The following GPR158 variants were observed in gnomAD, a reference collection of about 807,000 sequenced individuals.
The protein encoded by GPR158 is G protein-coupled receptor 158.
GPR158 carries 30 observed loss-of-function variants against 78.2 expected under a neutral mutation model. The observed-to-expected ratio is 0.38, with a 90% confidence interval of 0.29 to 0.52. GPR158 has a LOEUF of 0.52. GPR158 is among the 20% of genes least tolerant of loss of function. GPR158 has a pLI of 0.83. For missense variants in GPR158, 1,463 were observed against 1,523.5 expected, an observed-to-expected ratio of 0.96 and a Z score of 0.66; for synonymous variants, 581 against 591.1, an observed-to-expected ratio of 0.98 and a Z score of 0.25.
chr10:25,414,710 TTGA>T (rs1834635594), intron 4 of GPR158, among the ~76,000 whole-genome samples: 1 of 152,158 alleles, frequency 6.6e-6, no homozygotes, highest in Non-Finnish European at 1.5e-5. Flanking sequence ...AAGAAGAAAC[TTGA>T]TGATCTCTTT....
chr10:25,585,882 G>A lies in GPR158; in HGVS notation c.1754-3125G>A, dbSNP rs79127058. Among the ~76,000 whole-genome samples the A allele has an allele frequency of 5.4e-3, 824 of 152,258 alleles. 10 individuals are homozygous for A. Among genetic ancestry groups the A allele is most frequent in the African/African-American group, 0.019 (778 of 41,544 alleles). On this transcript the variant is annotated intron_variant, in intron 7 of 10. Coordinates refer to ENST00000376351, the MANE Select transcript of GPR158 (RefSeq NM_020752.3). ...TAATCTCTGCTGCTCAGATGGCTGA[G>A]GCACAGGAATCAGTTGAACCCTGGA...
chr10:25,541,672 T>C (rs903091798), intron 5 of GPR158, among the ~76,000 whole-genome samples: 1 of 151,502 alleles, frequency 6.6e-6, no homozygotes, highest in Non-Finnish European at 1.5e-5. Flanking sequence ...CCTGAATAAA[T>C]GTGCTTCAAT....
chr10:25,388,708 C>A (rs903826984), intron 2 of GPR158, among the ~76,000 whole-genome samples: 2 of 152,238 alleles, frequency 1.3e-5, no homozygotes, highest in Admixed American at 6.5e-5. Context: ...GAGCTGGGAG[C>A]AGGCAAGATT....
At position 25,598,879 on chromosome 10, in the gene GPR158, G is replaced by A. The variant is rs1480573568; in HGVS notation, c.3253G>A (p.Glu1085Lys). The A allele has an allele frequency of 6.2e-7, 1 of 1,614,104 alleles. No individual in the cohort carries two copies. The highest frequency in any genetic ancestry group is 1.1e-5 in the South Asian group (1 of 91,074). ...CCAAGGCCAGTCCATTTTGGAAGAT[G>A]AGAAGCTTTTGATTTCCAAGACTCC... Reference protein sequence around the residue: ...ESQGQSILEDEKLLISKTPVL... With the variant: ...ESQGQSILEDKKLLISKTPVL... The change falls in exon 11 of 11, where the codon GAG (glutamate) becomes AAG (lysine). Residue 1085 changes from glutamate (E) to lysine (K), a missense_variant. Physicochemically the swap from Glu to Lys is moderately conservative, Grantham distance 56 (BLOSUM62 1). Coordinates refer to ENST00000376351, the MANE Select transcript of GPR158 (RefSeq NM_020752.3).
intron 2 of GPR158, among the ~76,000 whole-genome samples, chr10:25,239,966 G>T (rs946182565): frequency 6.6e-6 from 1 of 152,176 alleles, no homozygotes; most frequent in Non-Finnish European, 1.5e-5. Context: ...AAGTAGTATA[G>T]TATGCAGTTC....
chr10:25,203,367 A>T (rs925349059), intron 1 of GPR158, among the ~76,000 whole-genome samples: 1 of 152,196 alleles, frequency 6.6e-6, no homozygotes, highest in East Asian at 1.9e-4. Context: ...GGTTTTCTTC[A>T]AGGGTTTTTA....
intron 2 of GPR158, among the ~76,000 whole-genome samples, chr10:25,346,315 A>C (rs1588813244): frequency 1.3e-5 from 2 of 151,886 alleles, no homozygotes; most frequent in South Asian, 4.1e-4. Flanking sequence ...GCATTAAGTC[A>C]TCTGACAATA....
chr10:25,410,436 T>G (rs1564447479), intron 3 of GPR158, among the ~76,000 whole-genome samples: 1 of 152,048 alleles, frequency 6.6e-6, no homozygotes, highest in Non-Finnish European at 1.5e-5. Flanking sequence ...ACCAACATGG[T>G]GAAACCCTGT....
intron 1 of GPR158, among the ~76,000 whole-genome samples, chr10:25,190,401 C>T (rs150461913): frequency 6.6e-6 from 1 of 152,022 alleles, no homozygotes; most frequent in Non-Finnish European, 1.5e-5. Flanking sequence ...GGCGTAAATA[C>T]AACACACTGC....
chr10:25,190,568 C>T (rs890617117), intron 1 of GPR158, among the ~76,000 whole-genome samples: 6 of 152,100 alleles, frequency 3.9e-5, no homozygotes, highest in African/African-American at 1.4e-4. Flanking sequence ...CGGGCTCAAG[C>T]AATCCACCCG....
intron 5 of GPR158, among the ~76,000 whole-genome samples, chr10:25,531,820 T>A (rs1836427433): frequency 6.6e-6 from 1 of 152,186 alleles, no homozygotes; most frequent in South Asian, 2.1e-4. Context: ...GGAGGATTAT[T>A]ACTCAGCTTT....
intron 2 of GPR158, among the ~76,000 whole-genome samples, chr10:25,278,445 A>G (rs907975795): frequency 6.6e-6 from 1 of 152,158 alleles, no homozygotes; most frequent in Non-Finnish European, 1.5e-5. Flanking sequence ...AATAAGTACT[A>G]ACATATAGCT....
chr10:25,395,343 T>C (rs1297203169), intron 2 of GPR158, among the ~76,000 whole-genome samples: 1 of 152,196 alleles, frequency 6.6e-6, no homozygotes, highest in Non-Finnish European at 1.5e-5. Flanking sequence ...AATTAATTCA[T>C]CTTTATTTTT....
At chr10:25,290,372 T>G (rs994177475) in intron 2 of GPR158, among the ~76,000 whole-genome samples, 2 of 152,180 alleles carry the variant, frequency 1.3e-5, no homozygotes, top group Admixed American at 1.3e-4. Context: ...AGAAGAAAAG[T>G]ATCCCGAAAA....
intron 2 of GPR158, among the ~76,000 whole-genome samples, chr10:25,258,058 A>G (rs547036325): frequency 1.1e-4 from 16 of 152,336 alleles, no homozygotes; most frequent in African/African-American, 3.1e-4. Flanking sequence ...ATAATCCCCT[A>G]GTCTCTAGGG....
chr10:25,473,010 A>G (rs1386800565), intron 5 of GPR158, among the ~76,000 whole-genome samples: 1 of 152,082 alleles, frequency 6.6e-6, no homozygotes, highest in Admixed American at 6.5e-5. Context: ...GAGTGGTGAG[A>G]GAGGGCATCC....
chr10:25,333,326 G>A (rs10437432), intron 2 of GPR158, among the ~76,000 whole-genome samples: 178 of 152,256 alleles, frequency 1.2e-3, no homozygotes, highest in African/African-American at 4.1e-3. Flanking sequence ...TAAATGGCAC[G>A]ATAGTTTGAA....
At position 25,461,856 on chromosome 10, in the gene GPR158, C is replaced by T. The variant is rs182744890; in HGVS notation, c.1336-4795C>T. ...ACGCCATTCTCCTGCCTCAGCCTCC[C>T]GAGTAGCTAGGACTACAGGTGCCTG... On this transcript the variant is annotated intron_variant, in intron 4 of 10. Coordinates refer to ENST00000376351, the MANE Select transcript of GPR158 (RefSeq NM_020752.3). Among the ~76,000 whole-genome samples the T allele has an allele frequency of 4.1e-3, 619 of 151,844 alleles. 3 individuals carry two copies. The highest frequency in any genetic ancestry group is 0.01 in the Middle Eastern group (3 of 294).
chr10:25,211,834 C>T (rs1164725539), intron 1 of GPR158, among the ~76,000 whole-genome samples: 1 of 152,148 alleles, frequency 6.6e-6, no homozygotes, highest in Non-Finnish European at 1.5e-5. Context: ...GGCCCAAGTT[C>T]CTAATACTAC....
Sources: gnomAD v4.1 joint callset for allele counts (sites outside exome capture counted in the v4.1 genomes callset) on GRCh38, gnomAD v4.1.1 for gene constraint, MANE v1.5 for transcripts, NCBI Gene and HGNC (gene_info 2026-07-23, HGNC 2026-07-21) for gene names.